Variants in C6 observed in about 807,000 individuals in gnomAD.
C6 encodes the protein complement C6.
In C6, 101 loss-of-function variants were observed where a neutral mutation model predicts 112.9. The ratio of observed to expected loss-of-function variants is 0.89; its 90% confidence interval spans 0.76 to 1.06. The LOEUF is 1.06. Among genes scored for constraint, C6 ranks in the 50% least tolerant of loss-of-function variants. C6 has a pLI of 0.00. For missense variants in C6, 1,202 were observed against 1,104.6 expected (o/e 1.09, Z -1.25); for synonymous variants, 431 against 384.1 (o/e 1.12, Z -1.43).
upstream of C6, among the ~76,000 whole-genome samples, chr5:41,215,464 A>G (rs1752166348): frequency 6.6e-6 from 1 of 152,156 alleles, no homozygotes; most frequent in Non-Finnish European, 1.5e-5. Context: ...CAAAGAATAT[A>G]GGTGTTCTCT....
intron 1 of C6, among the ~76,000 whole-genome samples, chr5:41,223,402 C>T (rs998328303): frequency 2.6e-5 from 4 of 152,194 alleles, no homozygotes; most frequent in Non-Finnish European, 5.9e-5. Context: ...ACACAATAGG[C>T]TGGGTGTCTG....
At chr5:41,224,472 C>A (rs1322738224) in intron 1 of C6, among the ~76,000 whole-genome samples, 1 of 152,132 alleles carries the variant, frequency 6.6e-6, no homozygotes, top group African/African-American at 2.4e-5. Context: ...TTTCCTTATT[C>A]TTCACATTTC....
chr5:41,224,391 C>A (rs551893954), intron 1 of C6, among the ~76,000 whole-genome samples: 1 of 152,126 alleles, frequency 6.6e-6, no homozygotes, highest in Non-Finnish European at 1.5e-5. Flanking sequence ...CCATTAGCAG[C>A]CACTCCCTAT....
intron 15 of C6, among the ~76,000 whole-genome samples, chr5:41,152,003 T>C (rs1458486596): frequency 2.0e-5 from 3 of 147,762 alleles, no homozygotes; most frequent in Non-Finnish European, 4.5e-5. Context: ...TAGGACATTA[T>C]GGTGGGAAAA....
upstream of C6, among the ~76,000 whole-genome samples, chr5:41,215,785 T>C (rs1057428116): frequency 2.6e-5 from 4 of 152,136 alleles, no homozygotes; most frequent in South Asian, 2.1e-4. Context: ...TTATTCCTCT[T>C]TTAATGATAA....
chr5:41,242,387 A>G (rs920669465), intron 1 of C6, among the ~76,000 whole-genome samples: 4 of 152,158 alleles, frequency 2.6e-5, no homozygotes, highest in Non-Finnish European at 5.9e-5. Flanking sequence ...GCCTTCTGCC[A>G]TGATTGTAAG....
At chr5:41,183,136 T>C (rs1749483329) in intron 6 of C6, among the ~76,000 whole-genome samples, 1 of 152,204 alleles carries the variant, frequency 6.6e-6, no homozygotes, top group South Asian at 2.1e-4. Context: ...AAGCTACCTA[T>C]GTGATGCCCT....
At chr5:41,258,777 G>A (rs1741868807) in intron 1 of C6, among the ~76,000 whole-genome samples, 1 of 152,150 alleles carries the variant, frequency 6.6e-6, no homozygotes, top group Admixed American at 6.6e-5. Context: ...TAACAATCAT[G>A]GCGGAAAGCA....
At chr5:41,222,858 A>ATG (rs1276026718) in intron 1 of C6, among the ~76,000 whole-genome samples, 5 of 152,174 alleles carry the variant, frequency 3.3e-5, no homozygotes, top group African/African-American at 4.8e-5. Context: ...ATAAGCCCAC[A>ATG]TGGCTAATTA....
At chr5:41,248,032 A>G (rs1262569274) in intron 1 of C6, among the ~76,000 whole-genome samples, 2 of 152,186 alleles carry the variant, frequency 1.3e-5, no homozygotes, top group Admixed American at 6.5e-5. Flanking sequence ...GCCTATAGCC[A>G]TTTAATCTTC....
chr5:41,180,740 A>G (rs900594926), intron 7 of C6, among the ~76,000 whole-genome samples: 12 of 152,162 alleles, frequency 7.9e-5, no homozygotes, highest in African/African-American at 2.9e-4. Flanking sequence ...CAGTCAGGAT[A>G]TTCTTTATAT....
chr5:41,207,376 A>T (rs1751521279), intron 1 of C6, among the ~76,000 whole-genome samples: 1 of 152,240 alleles, frequency 6.6e-6, no homozygotes, highest in Admixed American at 6.5e-5. Context: ...CACACATAAC[A>T]ATATTAACCT....
intron 5 of C6, among the ~76,000 whole-genome samples, chr5:41,189,564 T>C (rs888444096): frequency 1.3e-5 from 2 of 152,098 alleles, no homozygotes; most frequent in East Asian, 3.8e-4. Context: ...ATACATACAA[T>C]GTATAGTAAT....
At chr5:41,245,382 C>T (rs1010384826) in intron 1 of C6, among the ~76,000 whole-genome samples, 5 of 152,038 alleles carry the variant, frequency 3.3e-5, no homozygotes, top group Non-Finnish European at 7.4e-5. Flanking sequence ...ATTAGCTGGG[C>T]GTGGTGGCAG....
At chr5:41,168,696 C>T (rs1334676705) in intron 9 of C6, among the ~76,000 whole-genome samples, 1 of 152,116 alleles carries the variant, frequency 6.6e-6, no homozygotes, top group South Asian at 2.1e-4. Context: ...AGTCCTAGGA[C>T]CCTCAGTTCC....
Position 41,259,357 on chromosome 5 carries a change from G to C in C6, c.-21+1837C>G, listed in dbSNP as rs1227467621. The stretch of plus-strand genomic sequence containing the variant: ...TTTGCATTCCTTGGTGAATGTATAT[G>C]GGTTTCTAGAATCTCTTGTATTTTA... On this transcript the variant is annotated intron_variant, in intron 1 of 17. Transcript: ENST00000263413. Among the ~76,000 whole-genome samples, 3 of 152,016 alleles carry C rather than the reference G, an allele frequency of 2.0e-5. No homozygotes were observed. The East Asian group carries it at 5.8e-4, about 29-fold the overall frequency.
At chr5:41,195,520 G>A (rs1390282285) in intron 5 of C6, among the ~76,000 whole-genome samples, 2 of 152,150 alleles carry the variant, frequency 1.3e-5, no homozygotes, top group Non-Finnish European at 2.9e-5. Context: ...AACTTTCTGA[G>A]AGATGTATGA....
At position 41,145,849 on chromosome 5, in the gene C6, T is replaced by A. The variant is rs78485994; in HGVS notation, c.2624-2843A>T. On this transcript the variant is annotated intron_variant, in intron 17 of 17. Coordinates refer to ENST00000337836, the MANE Select transcript of C6 (RefSeq NM_000065.5). ...GTTCCTTAGGTTTTTGGAAGGGCCA[T>A]GGTCACTACCCTTTTAGTATGGATA... Among the ~76,000 whole-genome samples, 218 of 152,310 alleles carry A rather than the reference T, an allele frequency of 1.4e-3. 5 individuals are homozygous for A. In the East Asian group the frequency reaches 0.038, roughly 26 times the overall value.
intron 13 of C6, among the ~76,000 whole-genome samples, chr5:41,156,701 C>T (rs1158290001): frequency 1.3e-5 from 2 of 152,192 alleles, no homozygotes; most frequent in Non-Finnish European, 2.9e-5. Context: ...GGATACAAAA[C>T]TACCATCCTA....
Sources: allele counts gnomAD v4.1 joint callset (sites outside exome capture counted in the v4.1 genomes callset), GRCh38; gene constraint gnomAD v4.1.1; transcripts MANE v1.5; gene names NCBI Gene and HGNC (gene_info 2026-07-23, HGNC 2026-07-21).